The following FGF2 variants were observed in gnomAD, a reference collection of about 807,000 sequenced individuals.
The protein encoded by FGF2 is basic fibroblast growth factor bFGF.
A neutral mutation model predicts 15.9 loss-of-function variants in FGF2; 13 were observed. That is an observed-to-expected ratio of 0.82 (90% CI 0.53 to 1.30). The LOEUF (loss-of-function observed/expected upper bound fraction) is 1.30. Among genes scored for constraint, FGF2 ranks in the 50% most tolerant of loss-of-function variants. FGF2 has a pLI of 0.00. For missense variants in FGF2, 163 were observed against 196.9 expected, an observed-to-expected ratio of 0.83 and a Z score of 1.03; for synonymous variants, 90 against 78.4, an observed-to-expected ratio of 1.15 and a Z score of -0.78.
chr4:122,863,009 C>T (rs1343805345), intron 1 of FGF2, among the ~76,000 whole-genome samples: 1 of 152,186 alleles, frequency 6.6e-6, no homozygotes, highest in Non-Finnish European at 1.5e-5. Context: ...TCTCTTAGCA[C>T]AGCCTTTTAA....
At chr4:122,830,810 T>G (rs1221521155) in intron 1 of FGF2, among the ~76,000 whole-genome samples, 1 of 116,294 alleles carries the variant, frequency 8.6e-6, no homozygotes, top group African/African-American at 3.7e-5. Context: ...CAGGTGCTCT[T>G]ATTTACAAAA....
intron 1 of FGF2, among the ~76,000 whole-genome samples, chr4:122,858,483 C>G (rs547580358): frequency 3.3e-5 from 5 of 152,070 alleles, no homozygotes; most frequent in African/African-American, 1.2e-4. Flanking sequence ...CTGCAACTTC[C>G]GCCTCCTGGG....
chr4:122,888,039 G>C (rs527870787), intron 2 of FGF2, among the ~76,000 whole-genome samples: 25 of 152,176 alleles, frequency 1.6e-4, no homozygotes, highest in African/African-American at 6.0e-4. Flanking sequence ...TCTCCATTTG[G>C]ATGTCTGATA....
At chr4:122,839,143 A>G (rs572272950) in intron 1 of FGF2, among the ~76,000 whole-genome samples, 1 of 152,300 alleles carries the variant, frequency 6.6e-6, no homozygotes, top group South Asian at 2.1e-4. Context: ...TGCATTTCTC[A>G]GAATGTATCC....
At position 122,883,394 on chromosome 4, in the gene FGF2, G is replaced by T. The variant is rs149653919; in HGVS notation, c.282+6970G>T. 7.1e-3 allele frequency among the ~76,000 whole-genome samples: 1,078 copies of T among 152,256 alleles called. 7 individuals carry two copies. The highest frequency in any genetic ancestry group is 0.01 in the Non-Finnish European group (702 of 68,006). ...GTTTTCAGGTTACCGATTTTGTGTT[G>T]TTTGAAAACATTTCTTAAGGGTCTT... On this transcript the variant is annotated intron_variant, in intron 2 of 2. Transcript: ENST00000644866.
chr4:122,880,979 T>A (rs1726950743), intron 2 of FGF2, among the ~76,000 whole-genome samples: 1 of 152,178 alleles, frequency 6.6e-6, no homozygotes, highest in Admixed American at 6.5e-5. Context: ...ACCTCAATTC[T>A]TGACTTCTGT....
chr4:122,857,026 C>T lies in FGF2; in HGVS notation c.179-19295C>T, dbSNP rs545165401. Among the ~76,000 whole-genome samples the T allele has an allele frequency of 8.5e-5, 13 of 152,270 alleles. No individual in the cohort carries two copies. In the South Asian group the frequency reaches 2.7e-3, roughly 32 times the overall value. ...AAGCCAGGTATTTATAGATGCATGTCGTCAGTGTTGCCTGGTGTTGCTGTG... is the reference window on the plus strand; with the variant it reads ...AAGCCAGGTATTTATAGATGCATGTTGTCAGTGTTGCCTGGTGTTGCTGTG... On this transcript the variant is annotated intron_variant, in intron 1 of 2. Transcript: ENST00000644866.
At chr4:122,861,488 T>C (rs901550363) in intron 1 of FGF2, among the ~76,000 whole-genome samples, 1 of 152,014 alleles carries the variant, frequency 6.6e-6, no homozygotes, top group Non-Finnish European at 1.5e-5. Context: ...CCTCCCTTCT[T>C]CTCTCCTTCC....
chr4:122,870,508 T>G (rs577593843), intron 1 of FGF2, among the ~76,000 whole-genome samples: 6 of 152,304 alleles, frequency 3.9e-5, no homozygotes, highest in African/African-American at 1.4e-4. Flanking sequence ...ATTTCAGAGC[T>G]TGTTATTGGT....
intron 2 of FGF2, among the ~76,000 whole-genome samples, chr4:122,881,161 T>C (rs955849079): frequency 2.6e-5 from 4 of 152,170 alleles, no homozygotes; most frequent in African/African-American, 9.7e-5. Flanking sequence ...GCCCAGCTCA[T>C]GAAACCATTT....
At chr4:122,873,753 A>G (rs1414726398) in intron 1 of FGF2, among the ~76,000 whole-genome samples, 1 of 152,346 alleles carries the variant, frequency 6.6e-6, no homozygotes, top group South Asian at 2.1e-4. Context: ...TAGAAAATCT[A>G]TGATTTTGTG....
intron 2 of FGF2, among the ~76,000 whole-genome samples, chr4:122,885,913 C>CTTTTTTTTTTTTTTTTTTTTT (rs11310783): frequency 3.5e-5 from 3 of 84,526 alleles, no homozygotes; most frequent in African/African-American, 1.9e-4. Flanking sequence ...TTTTTTTTTC[C>CTTTTTTTTTTTTTTTTTTTTT]TTTTTTTTTT....
intron 1 of FGF2, among the ~76,000 whole-genome samples, chr4:122,859,428 G>C (rs1181581974): frequency 6.6e-6 from 1 of 152,044 alleles, no homozygotes; most frequent in Non-Finnish European, 1.5e-5. Context: ...AAAGAACTGG[G>C]CTCGCTATGG....
intron 2 of FGF2, among the ~76,000 whole-genome samples, chr4:122,886,648 C>T (rs1445551237): frequency 2.6e-5 from 4 of 151,992 alleles, no homozygotes; most frequent in African/African-American, 7.3e-5. Context: ...TATTTTGTTG[C>T]TCAAATAGTT....
rs1413333514 is a variant in FGF2 at position 122,893,189 on chromosome 4, C to G, written c.*793C>G. The G allele has an allele frequency of 6.2e-7, 1 of 1,612,146 alleles. No homozygotes were observed. Among genetic ancestry groups the G allele is most frequent in the Non-Finnish European group, 8.5e-7 (1 of 1,178,982 alleles). Reference sequence around the variant, plus strand: ...GACGGACCTGAATTCTGATTTTATACCAGTCTCTTCAAAAACTTCTCGAAC... The same window carrying G: ...GACGGACCTGAATTCTGATTTTATAGCAGTCTCTTCAAAAACTTCTCGAAC... On this transcript the variant is annotated 3_prime_UTR_variant, in exon 3 of 3. Transcript: ENST00000644866.
intron 1 of FGF2, among the ~76,000 whole-genome samples, chr4:122,868,455 C>G (rs893996441): frequency 6.6e-6 from 1 of 152,192 alleles, no homozygotes; most frequent in Non-Finnish European, 1.5e-5. Context: ...TGATCTCATT[C>G]CTTTTTATGG....
chr4:122,890,389 C>A (rs1318954648), intron 2 of FGF2, among the ~76,000 whole-genome samples: 1 of 152,106 alleles, frequency 6.6e-6, no homozygotes, highest in African/African-American at 2.4e-5. Context: ...AATTGAGTTT[C>A]TTTATGAGTA....
Position 122,827,051 on chromosome 4 carries a change from G to T in FGF2, c.-124G>T. On this transcript the variant is annotated 5_prime_UTR_variant, in exon 1 of 3. Coordinates refer to ENST00000644866, the MANE Select transcript of FGF2 (RefSeq NM_001361665.2). This position sits in a 1 kb window ranked among gnomAD's most constrained non-coding sequence, Gnocchi z 4.2. ...GCGGCCGCGCGCTGCCGGGCGGGAGGCTGGGGGGCCGGGGCCGGGGCCGTG... is the reference window on the plus strand; with the variant it reads ...GCGGCCGCGCGCTGCCGGGCGGGAGTCTGGGGGGCCGGGGCCGGGGCCGTG... 1 of 1,124,280 alleles carries T rather than the reference G, an allele frequency of 8.9e-7. No individual in the cohort carries two copies. The highest frequency in any genetic ancestry group is 1.1e-6 in the Non-Finnish European group (1 of 920,164). 69.6% of individuals were successfully genotyped at this position (1,124,280 alleles called of 1,614,324 possible).
At position 122,897,798 on chromosome 4, in the gene FGF2, G is replaced by T; in HGVS notation, c.*5402G>T. ...GTTGAGAATATATTTTTTAGTAATT[G>T]CATGCAAAATTTTTCTAGCTTCCAT... On this transcript the variant is annotated 3_prime_UTR_variant, in exon 3 of 3. Transcript: ENST00000644866. 1.4e-6 allele frequency: 1 copy of T among 703,798 alleles called. No homozygotes were observed. Among genetic ancestry groups the T allele is most frequent in the Non-Finnish European group, 2.5e-6 (1 of 404,500 alleles). The allele number at this position is 703,798 out of a possible 1,614,324, so 43.6% of individuals were successfully genotyped here.
Sources: allele counts gnomAD v4.1 joint callset (sites outside exome capture counted in the v4.1 genomes callset), GRCh38; gene constraint gnomAD v4.1.1; non-coding constraint Gnocchi (gnomAD v3.1); transcripts MANE v1.5; gene names NCBI Gene and HGNC (gene_info 2026-07-23, HGNC 2026-07-21).